DAB1: variants seen among roughly 807,000 people sequenced by gnomAD.
DAB1 encodes the protein disabled homolog 1.
Under a neutral mutation model 64.6 loss-of-function variants are expected in DAB1, and 15 were observed. The ratio of observed to expected loss-of-function variants is 0.23; its 90% confidence interval spans 0.16 to 0.36. The LOEUF is 0.36. DAB1 is among the 10% of genes least tolerant of loss of function. DAB1 has a pLI of 1.00. For missense variants in DAB1, 596 were observed against 706.7 expected (o/e 0.84, Z 1.78); for synonymous variants, 235 against 251.9 (o/e 0.93, Z 0.64).
At chr1:58,389,811 G>A (rs2100554120) in intron 3 of DAB1, among the ~76,000 whole-genome samples, 1 of 152,262 alleles carries the variant, frequency 6.6e-6, no homozygotes, top group African/African-American at 2.4e-5. Flanking sequence ...CTGGTTACAG[G>A]TATAAATTGA....
intron 1 of DAB1, among the ~76,000 whole-genome samples, chr1:57,364,738 A>G (rs1193884837): frequency 6.6e-6 from 1 of 151,872 alleles, no homozygotes; most frequent in Non-Finnish European, 1.5e-5. Flanking sequence ...AGAAATCTTG[A>G]AAATACAATG....
intron 1 of DAB1, among the ~76,000 whole-genome samples, chr1:57,315,052 C>T (rs533709180): frequency 1.3e-5 from 2 of 152,206 alleles, no homozygotes; most frequent in South Asian, 2.1e-4. Context: ...ACTATAGATA[C>T]CCTATCTGAT....
chr1:57,740,907 G>A (rs1279452443), intron 6 of DAB1, among the ~76,000 whole-genome samples: 1 of 152,150 alleles, frequency 6.6e-6, no homozygotes, highest in Non-Finnish European at 1.5e-5. Context: ...GACGTATTGG[G>A]CAGAAAGGAG....
At chr1:57,660,966 A>C (rs949680293) in intron 6 of DAB1, among the ~76,000 whole-genome samples, 1 of 152,216 alleles carries the variant, frequency 6.6e-6, no homozygotes. Flanking sequence ...GCTTCCTGGG[A>C]AAGTGAATTT....
intron 3 of DAB1, among the ~76,000 whole-genome samples, chr1:58,350,436 T>TTGC (rs1457608296): frequency 6.6e-6 from 1 of 152,214 alleles, no homozygotes; most frequent in African/African-American, 2.4e-5. Context: ...CAGTTTCTTT[T>TTGC]TGCTGTTCAG....
chr1:57,997,508 A>G (rs1422725413), intron 5 of DAB1, among the ~76,000 whole-genome samples: 1 of 152,144 alleles, frequency 6.6e-6, no homozygotes, highest in Non-Finnish European at 1.5e-5. Flanking sequence ...CCTCTGCCTT[A>G]TAGCCCCTCA....
intron 4 of DAB1, among the ~76,000 whole-genome samples, chr1:57,106,520 T>C (rs1655172934): frequency 6.6e-6 from 1 of 152,124 alleles, no homozygotes; most frequent in African/African-American, 2.4e-5. Flanking sequence ...AGGGATCCAG[T>C]TGATGGGGTG....
intron 4 of DAB1, among the ~76,000 whole-genome samples, chr1:57,134,918 A>G (rs1463763276): frequency 6.6e-6 from 1 of 152,162 alleles, no homozygotes; most frequent in Non-Finnish European, 1.5e-5. Flanking sequence ...CCTGGTACTT[A>G]TATTTACCAC....
chr1:58,262,549 C>T (rs1661069688), intron 4 of DAB1, among the ~76,000 whole-genome samples: 1 of 152,138 alleles, frequency 6.6e-6, no homozygotes, highest in Non-Finnish European at 1.5e-5. Flanking sequence ...TTCACCACTA[C>T]ACTCCAGCCT....
At chr1:57,397,221 C>T (rs1167441482) in intron 1 of DAB1, among the ~76,000 whole-genome samples, 1 of 152,122 alleles carries the variant, frequency 6.6e-6, no homozygotes, top group Non-Finnish European at 1.5e-5. Context: ...AACCTGCCTC[C>T]TCTAACCTCC....
At chr1:57,178,872 G>T (rs1479357369) in intron 2 of DAB1, among the ~76,000 whole-genome samples, 1 of 148,916 alleles carries the variant, frequency 6.7e-6, no homozygotes, top group Non-Finnish European at 1.5e-5. Flanking sequence ...TAAAAAAAAA[G>T]GATAGCAATT....
intron 7 of DAB1, among the ~76,000 whole-genome samples, chr1:57,528,636 GGACA>G (rs1644621481): frequency 1.8e-5 from 1 of 54,786 alleles, no homozygotes; most frequent in African/African-American, 1.3e-4. Flanking sequence ...AAAAGCAGCA[GGACA>G]CACACACACA....
chr1:58,461,058 T>C (rs943142108), intron 3 of DAB1, among the ~76,000 whole-genome samples: 1 of 152,212 alleles, frequency 6.6e-6, no homozygotes, highest in Non-Finnish European at 1.5e-5. Context: ...CTGTACCAGA[T>C]AGAGTTTCAC....
intron 7 of DAB1, among the ~76,000 whole-genome samples, chr1:57,542,893 G>A (rs1457722735): frequency 2.0e-5 from 3 of 152,138 alleles, no homozygotes; most frequent in Non-Finnish European, 4.4e-5. Context: ...CAGCTTCCAT[G>A]TCTGTCTGTG....
At chr1:57,120,661 C>T (rs1482303037) in intron 4 of DAB1, among the ~76,000 whole-genome samples, 1 of 152,156 alleles carries the variant, frequency 6.6e-6, no homozygotes, top group Non-Finnish European at 1.5e-5. Flanking sequence ...TACTTTCTGT[C>T]TCTATGAGTT....
chr1:57,733,166 G>A (rs970962628), intron 6 of DAB1, among the ~76,000 whole-genome samples: 16 of 152,048 alleles, frequency 1.1e-4, no homozygotes, highest in Admixed American at 1.0e-3. Context: ...CTTTTTCTGT[G>A]AGGCTGCCCT....
chr1:58,415,023 C>A (rs910736869), intron 3 of DAB1, among the ~76,000 whole-genome samples: 1 of 152,048 alleles, frequency 6.6e-6, no homozygotes, highest in Non-Finnish European at 1.5e-5. Flanking sequence ...ACTGTTGAAG[C>A]CTTAACCCCT....
At chr1:57,097,361 C>T (rs1000491112) in intron 4 of DAB1, among the ~76,000 whole-genome samples, 1 of 152,150 alleles carries the variant, frequency 6.6e-6, no homozygotes, top group African/African-American at 2.4e-5. Context: ...TCATACTGAG[C>T]CCGAGCTGAT....
chr1:58,079,512 CATCTTT>C (rs1649857171), intron 5 of DAB1, among the ~76,000 whole-genome samples: 1 of 137,622 alleles, frequency 7.3e-6, no homozygotes, highest in Non-Finnish European at 1.5e-5. Flanking sequence ...ATGAGCATAC[CATCTTT>C]TTTTTTTTTT....
Sources: gnomAD v4.1 joint callset for allele counts (sites outside exome capture counted in the v4.1 genomes callset) on GRCh38, gnomAD v4.1.1 for gene constraint, MANE v1.5 for transcripts, NCBI Gene and HGNC (gene_info 2026-07-23, HGNC 2026-07-21) for gene names.